The following IL1R1 variants were observed in gnomAD, a reference collection of about 807,000 sequenced individuals.
The protein encoded by IL1R1 is interleukin 1 receptor type 1.
A neutral mutation model predicts 50.2 loss-of-function variants in IL1R1; 22 were observed. The observed-to-expected ratio is 0.44, with a 90% CI of 0.31 to 0.63. The LOEUF is 0.63. IL1R1 is among the 20% of genes least tolerant of loss of function. The probability of loss-of-function intolerance (pLI) is 0.07; values close to 1 mark genes in which losing one functional copy is unlikely to be tolerated. For missense variants in IL1R1, 509 were observed against 676.2 expected (o/e 0.75, Z 2.74); for synonymous variants, 251 against 236.7 (o/e 1.06, Z -0.55).
intron 1 of IL1R1, among the ~76,000 whole-genome samples, chr2:102,077,185 C>T (rs1036545812): frequency 6.6e-6 from 1 of 152,130 alleles, no homozygotes; most frequent in African/African-American, 2.4e-5. Flanking sequence ...ATTCTCACAT[C>T]TCAGCCTCCT....
chr2:102,077,923 T>C (rs1003109340), intron 1 of IL1R1, among the ~76,000 whole-genome samples: 1 of 152,116 alleles, frequency 6.6e-6, no homozygotes, highest in Non-Finnish European at 1.5e-5. Flanking sequence ...GAAGAAAATT[T>C]AGGAAAGTCA....
intron 7 of IL1R1, among the ~76,000 whole-genome samples, 167 bp from the exon 8 acceptor site, chr2:102,171,634 C>T (rs771226479): frequency 4.6e-5 from 7 of 152,040 alleles, no homozygotes; most frequent in Admixed American, 2.6e-4. Context: ...AGGAATGAGA[C>T]GCATAAGGTT....
intron 1 of IL1R1, among the ~76,000 whole-genome samples, chr2:102,071,188 A>G (rs1444122481): frequency 6.6e-6 from 1 of 152,214 alleles, no homozygotes; most frequent in Admixed American, 6.5e-5. Context: ...AGGGATACTT[A>G]TTTAAAACCT....
chr2:102,127,052 G>C (rs1195424378), intron 1 of IL1R1, among the ~76,000 whole-genome samples: 1 of 152,202 alleles, frequency 6.6e-6, no homozygotes, highest in Non-Finnish European at 1.5e-5. Flanking sequence ...GGCCATCCTG[G>C]AGATGGTTGA....
chr2:102,116,973 G>A (rs1197604943), intron 1 of IL1R1, among the ~76,000 whole-genome samples: 1 of 152,154 alleles, frequency 6.6e-6, no homozygotes, highest in African/African-American at 2.4e-5. Context: ...CTAATGATAA[G>A]TGGAGAAGGA....
rs1682774832 is a variant in IL1R1 at position 102,142,817 on chromosome 2, C to A, written c.-287C>A. Reference sequence around the variant, plus strand: ...GCCGACTCGGAGCGCGCGGCGCCGGCCGGGAGGAGCCGGAGAGCGGCCGGG... The same window carrying A: ...GCCGACTCGGAGCGCGCGGCGCCGGACGGGAGGAGCCGGAGAGCGGCCGGG... On this transcript the variant is annotated 5_prime_UTR_variant, in exon 1 of 12. Coordinates refer to ENST00000410023, the MANE Select transcript of IL1R1 (RefSeq NM_000877.4). 6.8e-6 allele frequency: 1 copy of A among 147,766 alleles called. No individual in the cohort carries two copies. The highest frequency in any genetic ancestry group is 2.1e-4 in the South Asian group (1 of 4,818). 9.2% of individuals were successfully genotyped at this position (147,766 alleles called of 1,614,324 possible).
intron 1 of IL1R1, among the ~76,000 whole-genome samples, chr2:102,128,122 T>C (rs541212917): frequency 1.3e-5 from 2 of 152,336 alleles, no homozygotes; most frequent in South Asian, 4.1e-4. Flanking sequence ...ATACCCTCCT[T>C]TTTAAATGTG....
At chr2:102,129,831 A>G (rs1183423707) in intron 1 of IL1R1, among the ~76,000 whole-genome samples, 1 of 152,210 alleles carries the variant, frequency 6.6e-6, no homozygotes, top group Non-Finnish European at 1.5e-5. Context: ...CGTACTCTTA[A>G]AAACTCTCAG....
chr2:102,076,370 G>C (rs1393709387), intron 1 of IL1R1, among the ~76,000 whole-genome samples: 1 of 151,870 alleles, frequency 6.6e-6, no homozygotes, highest in Non-Finnish European at 1.5e-5. Flanking sequence ...GTAGAGACGG[G>C]GTTTCACCGT....
intron 1 of IL1R1, among the ~76,000 whole-genome samples, chr2:102,109,195 T>G (rs1351246916): frequency 6.6e-6 from 1 of 151,944 alleles, no homozygotes; most frequent in Non-Finnish European, 1.5e-5. Flanking sequence ...TCAGTGAGGG[T>G]AGGTCGGACT....
At chr2:102,097,346 A>G (rs963912682) in intron 1 of IL1R1, among the ~76,000 whole-genome samples, 6 of 152,212 alleles carry the variant, frequency 3.9e-5, no homozygotes, top group African/African-American at 1.2e-4. Flanking sequence ...ATATATACAT[A>G]TTTAATGAAC....
intron 1 of IL1R1, among the ~76,000 whole-genome samples, chr2:102,118,979 C>A (rs1050430095): frequency 1.5e-5 from 2 of 135,230 alleles, no homozygotes; most frequent in Non-Finnish European, 3.0e-5. Flanking sequence ...GATCGCTCCA[C>A]TGCTCTCCAG....
At chr2:102,106,603 A>T (rs373477083) in intron 1 of IL1R1, among the ~76,000 whole-genome samples, 4 of 152,336 alleles carry the variant, frequency 2.6e-5, no homozygotes, top group South Asian at 2.1e-4. Flanking sequence ...ATAAAATTTT[A>T]AAAAATACAT....
intron 1 of IL1R1, among the ~76,000 whole-genome samples, chr2:102,151,834 G>A (rs3755295): frequency 0.62 from 94,850 of 152,108 alleles, 29,938 homozygotes; most frequent in East Asian, 0.69. Context: ...AGACCCAGGA[G>A]GTGCCATAGA....
At chr2:102,097,511 A>C (rs1254999350) in intron 1 of IL1R1, among the ~76,000 whole-genome samples, 2 of 152,176 alleles carry the variant, frequency 1.3e-5, no homozygotes, top group African/African-American at 2.4e-5. Context: ...TCATCTAGAA[A>C]TATTGATGAA....
chr2:102,175,768 T>C, intron 11 of IL1R1, 123 bp downstream of exon 11: 5 of 840,504 alleles, frequency 5.9e-6, no homozygotes. Flanking sequence ...AAGAACCTCT[T>C]CAGAAGTGTA....
intron 11 of IL1R1, chr2:102,176,085 G>A: frequency 4.4e-6 from 2 of 459,366 alleles, no homozygotes; most frequent in South Asian, 6.0e-5. Context: ...ACCCTGGGAG[G>A]CCAGGGTGAG....
chr2:102,159,615 C>T (rs368300753), intron 3 of IL1R1, among the ~76,000 whole-genome samples: 7 of 152,300 alleles, frequency 4.6e-5, no homozygotes, highest in East Asian at 1.9e-4. Flanking sequence ...ACAATTAACA[C>T]TGAGTTTTTC....
chr2:102,161,673 T>C (rs1339998806), intron 3 of IL1R1, among the ~76,000 whole-genome samples: 1 of 152,156 alleles, frequency 6.6e-6, no homozygotes, highest in Non-Finnish European at 1.5e-5. Flanking sequence ...TAATGACTTC[T>C]TTATTTTTTT....
Sources: allele counts gnomAD v4.1 joint callset (sites outside exome capture counted in the v4.1 genomes callset), GRCh38; gene constraint gnomAD v4.1.1; transcripts MANE v1.5; gene names NCBI Gene and HGNC (gene_info 2026-07-23, HGNC 2026-07-21).